UGT1A6: variants seen among roughly 807,000 people sequenced by gnomAD.
UGT1A6 encodes the protein UDP-glucuronosyltransferase 1A6.
In UGT1A6, 32 loss-of-function variants were observed where a neutral mutation model predicts 44.4. The observed-to-expected ratio is 0.72, with a 90% confidence interval of 0.54 to 0.97. The LOEUF (loss-of-function observed/expected upper bound fraction) is 0.97. UGT1A6 is among the 50% of genes least tolerant of loss of function. The pLI is 0.00. For missense variants in UGT1A6, 685 were observed against 661.9 expected (o/e 1.03, Z -0.38); for synonymous variants, 238 against 248.5 (o/e 0.96, Z 0.40).
At chr2:233,768,051 T>C in intron 3 of UGT1A6, 115 bp downstream of exon 3, 1 of 1,605,492 alleles carries the variant, frequency 6.2e-7, no homozygotes, top group South Asian at 1.1e-5. Flanking sequence ...CAACATATCC[T>C]ACATTGCTTT....
chr2:233,755,320 T>A, intron 1 of UGT1A6: 1 of 508,264 alleles, frequency 2.0e-6, no homozygotes, highest in Non-Finnish European at 3.2e-6. Context: ...GCGGCAAGGC[T>A]GCCAGCACCC....
chr2:233,753,997 G>A (rs1199006264), intron 1 of UGT1A6, among the ~76,000 whole-genome samples: 1 of 152,188 alleles, frequency 6.6e-6, no homozygotes, highest in East Asian at 1.9e-4. Flanking sequence ...CCAAGTTTGG[G>A]TAATTTGTTA....
In UGT1A6 at chr2:233,693,047, G is replaced by T. The variant is rs2075129391; in HGVS notation, c.43G>T (p.Val15Phe). The T allele has an allele frequency of 1.2e-6, 2 of 1,614,146 alleles. No individual in the cohort carries two copies. Among genetic ancestry groups the T allele is most frequent in the Non-Finnish European group, 1.7e-6 (2 of 1,180,032 alleles). Residue 15 changes from valine (V) to phenylalanine (F), a missense_variant, in exon 1 of 5, where the codon GTT becomes TTT. Val to Phe is a conservative substitution (Grantham distance 50). Coordinates refer to ENST00000305139, the MANE Select transcript of UGT1A6 (RefSeq NM_001072.4). ...LRSFQRISAG[V>F]FFLALWGMVV... Reference sequence around the variant, plus strand: ...CTCATTTCAGAGAATTTCTGCAGGGGTTTTCTTCTTAGCACTTTGGGGCAT... The same window carrying T: ...CTCATTTCAGAGAATTTCTGCAGGGTTTTTCTTCTTAGCACTTTGGGGCAT...
intron 1 of UGT1A6, chr2:233,717,656 G>A: frequency 2.5e-6 from 1 of 406,942 alleles, no homozygotes; most frequent in East Asian, 7.2e-5. Context: ...GGACAAGGAA[G>A]CATCAGCAAT....
At chr2:233,711,503 TC>T (rs1193779053) in intron 1 of UGT1A6, among the ~76,000 whole-genome samples, 1 of 152,132 alleles carries the variant, frequency 6.6e-6, no homozygotes, top group Non-Finnish European at 1.5e-5. Flanking sequence ...AGAATCCCTT[TC>T]TAGCGCTCTG....
chr2:233,772,478 T>C lies in UGT1A6; in HGVS notation c.1518T>C (p.Phe506=). ...AVVLTVAFIT[F]KCCAYGYRKC... Reference sequence around the variant, plus strand: ...TGCTGACAGTGGCCTTCATCACCTTTAAATGTTGTGCTTATGGCTACCGGA... The same window carrying C: ...TGCTGACAGTGGCCTTCATCACCTTCAAATGTTGTGCTTATGGCTACCGGA... The change falls in exon 5 of 5, where the codon TTT becomes TTC. Residue 506 remains phenylalanine (F), a synonymous_variant. Transcript: ENST00000305139. 1 of 1,614,184 alleles carries C rather than the reference T, an allele frequency of 6.2e-7. No homozygotes were observed. Among genetic ancestry groups the C allele is most frequent in the South Asian group, 1.1e-5 (1 of 91,086 alleles).
At chr2:233,715,797 G>A (rs139277356) in intron 1 of UGT1A6, among the ~76,000 whole-genome samples, 22 of 152,256 alleles carry the variant, frequency 1.4e-4, no homozygotes, top group African/African-American at 4.8e-4. Flanking sequence ...TATTTGGAAT[G>A]TGAAAATCTT....
chr2:233,766,972 C>T, intron 1 of UGT1A6, 62 bp from the exon 2 acceptor site: 2 of 1,611,258 alleles, frequency 1.2e-6, no homozygotes, highest in South Asian at 1.1e-5. Context: ...TCATAACTTA[C>T]TGTATGTAGT....
chr2:233,713,398 C>A (rs1193578945), intron 1 of UGT1A6: 1 of 1,613,966 alleles, frequency 6.2e-7, no homozygotes, highest in African/African-American at 1.3e-5. Context: ...CATAATGAGG[C>A]CCTGATCAGG....
At chr2:233,712,212 A>T (rs1393545804) in intron 1 of UGT1A6, among the ~76,000 whole-genome samples, 1 of 152,178 alleles carries the variant, frequency 6.6e-6, no homozygotes, top group Non-Finnish European at 1.5e-5. Context: ...GGTGAGCAGG[A>T]GCTCCCTGAA....
At chr2:233,747,955 T>C in intron 1 of UGT1A6, 1 of 1,613,464 alleles carries the variant, frequency 6.2e-7, no homozygotes, top group East Asian at 2.2e-5. Flanking sequence ...GTGGTGGATC[T>C]TCTCAGCCAT....
chr2:233,718,917 G>A (rs754582990), intron 1 of UGT1A6: 1 of 1,614,108 alleles, frequency 6.2e-7, no homozygotes. Flanking sequence ...AAAGGTGTTG[G>A]TGGTGCCCAC....
At chr2:233,711,284 C>G (rs1473595982) in intron 1 of UGT1A6, among the ~76,000 whole-genome samples, 2 of 152,164 alleles carry the variant, frequency 1.3e-5, no homozygotes, top group African/African-American at 4.8e-5. Flanking sequence ...GAGTCCTAGA[C>G]GTGGGAGTAG....
At chr2:233,706,032 T>G (rs887467227) in intron 1 of UGT1A6, among the ~76,000 whole-genome samples, 4 of 152,014 alleles carry the variant, frequency 2.6e-5, no homozygotes, top group African/African-American at 4.8e-5. Flanking sequence ...GAGGCAGAGG[T>G]TGCAGTGAGC....
intron 1 of UGT1A6, among the ~76,000 whole-genome samples, chr2:233,765,695 A>G (rs1698910486): frequency 6.9e-6 from 1 of 145,802 alleles, no homozygotes; most frequent in African/African-American, 2.7e-5. Flanking sequence ...CTTCAAGTAA[A>G]TAATAATAAT....
At chr2:233,729,120 T>G (rs771266076) in intron 1 of UGT1A6, 117 of 1,612,970 alleles carry the variant, frequency 7.3e-5, no homozygotes, top group Non-Finnish European at 9.5e-5. Flanking sequence ...CCGTGTCTTC[T>G]GCTGAGATGG....
intron 1 of UGT1A6, among the ~76,000 whole-genome samples, chr2:233,765,077 C>T (rs1698745230): frequency 6.6e-6 from 1 of 152,130 alleles, no homozygotes; most frequent in South Asian, 2.1e-4. Context: ...TCCTGTGTCT[C>T]ACATCTAGGG....
chr2:233,708,356 T>TA (rs1456398377), intron 1 of UGT1A6: 1 of 152,248 alleles, frequency 6.6e-6, no homozygotes, highest in Non-Finnish European at 1.5e-5. Context: ...TTTCCCTTAT[T>TA]AATTCTTCAT....
At chr2:233,732,525 T>G (rs775649964) in intron 1 of UGT1A6, among the ~76,000 whole-genome samples, 3 of 152,226 alleles carry the variant, frequency 2.0e-5, no homozygotes, top group Non-Finnish European at 4.4e-5. Context: ...GCTTTCTACA[T>G]ATGGCCAGTT....
Sources: allele counts gnomAD v4.1 joint callset (sites outside exome capture counted in the v4.1 genomes callset), GRCh38; gene constraint gnomAD v4.1.1; transcripts MANE v1.5; gene names NCBI Gene and HGNC (gene_info 2026-07-23, HGNC 2026-07-21).